MAMDC2: variants seen among roughly 807,000 people sequenced by gnomAD.
MAMDC2 encodes MAM domain containing 2.
MAMDC2 carries 57 observed loss-of-function variants against 89.8 expected under a neutral mutation model. The ratio of observed to expected loss-of-function variants is 0.63; its 90% CI spans 0.51 to 0.79. The LOEUF (loss-of-function observed/expected upper bound fraction) is 0.79, where lower values mean the gene tolerates loss of function less well. MAMDC2 is among the 30% of genes least tolerant of loss of function. The probability of loss-of-function intolerance (pLI) is 0.00; values close to 1 mark genes in which losing one functional copy is unlikely to be tolerated. For synonymous variants in MAMDC2, 313 were observed against 293.4 expected (o/e 1.07, Z -0.68); for missense variants, 800 against 820.6 (o/e 0.97, Z 0.31).
intron 2 of MAMDC2, among the ~76,000 whole-genome samples, chr9:70,055,747 G>T (rs923256530): frequency 6.6e-6 from 1 of 152,136 alleles, no homozygotes; most frequent in African/African-American, 2.4e-5. Context: ...ACCATTTGAA[G>T]GATTCTCTTC....
At chr9:70,073,863 G>C (rs1827466952) in intron 2 of MAMDC2, among the ~76,000 whole-genome samples, 1 of 152,156 alleles carries the variant, frequency 6.6e-6, no homozygotes, top group Admixed American at 6.5e-5. Context: ...GGTCTTAACA[G>C]TGCCTGTGAT....
At chr9:70,060,834 C>A (rs1406980862) in intron 2 of MAMDC2, among the ~76,000 whole-genome samples, 3 of 152,134 alleles carry the variant, frequency 2.0e-5, no homozygotes, top group Non-Finnish European at 4.4e-5. Context: ...TGTCTTAATT[C>A]TCTTCCCTTC....
At chr9:70,053,302 T>G (rs1351658195) in intron 2 of MAMDC2, among the ~76,000 whole-genome samples, 2 of 152,194 alleles carry the variant, frequency 1.3e-5, no homozygotes, top group Non-Finnish European at 2.9e-5. Flanking sequence ...AATAAGATAA[T>G]AAAACAAGTG....
chr9:70,163,183 G>A (rs1439426450), intron 9 of MAMDC2, among the ~76,000 whole-genome samples: 2 of 147,372 alleles, frequency 1.4e-5, no homozygotes, highest in Non-Finnish European at 3.0e-5. Context: ...TTGCATTTCT[G>A]CTCCTTTACC....
At position 70,225,718 on chromosome 9, in the gene MAMDC2, T is replaced by C. The variant is rs373956714; in HGVS notation, c.1912-32T>C. On this transcript the variant is annotated intron_variant, in intron 12 of 13. Coordinates refer to ENST00000377182, the MANE Select transcript of MAMDC2 (RefSeq NM_153267.5). ...ACCAGCACTGTAATCAGGATGATTC[T>C]ATTTCTAAATTCAAACATATTATTC... 18 of 1,384,830 alleles carry C rather than the reference T, an allele frequency of 1.3e-5. No homozygotes were observed. The African/African-American group carries it at 2.4e-4, about 19-fold the overall frequency. 85.8% of individuals were successfully genotyped at this position (1,384,830 alleles called of 1,614,324 possible). A position where few individuals can be genotyped will look rare whatever the true frequency, so the allele number is the denominator to read the frequency against.
chr9:70,150,535 G>A (rs570203396), intron 9 of MAMDC2, among the ~76,000 whole-genome samples: 8 of 152,160 alleles, frequency 5.3e-5, no homozygotes, highest in Non-Finnish European at 1.0e-4. Context: ...TGTTTATCAA[G>A]TACCTACTTT....
chr9:70,169,405 G>A (rs1452265366), intron 10 of MAMDC2, among the ~76,000 whole-genome samples: 3 of 152,128 alleles, frequency 2.0e-5, no homozygotes, highest in Non-Finnish European at 4.4e-5. Flanking sequence ...TACATCATAG[G>A]ACATCCATTT....
intron 2 of MAMDC2, among the ~76,000 whole-genome samples, chr9:70,052,628 G>C (rs1826939105): frequency 6.6e-6 from 1 of 152,132 alleles, no homozygotes; most frequent in African/African-American, 2.4e-5. Context: ...ATGTCTCTGA[G>C]AACAGGAATC....
chr9:70,060,070 A>G (rs1417227942), intron 2 of MAMDC2, among the ~76,000 whole-genome samples: 1 of 152,082 alleles, frequency 6.6e-6, no homozygotes, highest in Non-Finnish European at 1.5e-5. Context: ...TAATTCTTTC[A>G]CTAGGACATT....
chr9:70,218,725 G>A, intron 12 of MAMDC2, 129 bp downstream of exon 12: 1 of 1,047,396 alleles, frequency 9.5e-7, no homozygotes, highest in Non-Finnish European at 1.3e-6. Flanking sequence ...AGGATTAAGA[G>A]GGAGTAAACA....
chr9:70,221,671 AGT>A (rs1230496971), intron 12 of MAMDC2, among the ~76,000 whole-genome samples: 2 of 152,006 alleles, frequency 1.3e-5, no homozygotes, highest in African/African-American at 4.8e-5. Flanking sequence ...GTGATAAATA[AGT>A]GAGGTGACAG....
intron 9 of MAMDC2, among the ~76,000 whole-genome samples, chr9:70,147,302 C>T (rs2031436318): frequency 6.7e-6 from 1 of 149,790 alleles, no homozygotes; most frequent in African/African-American, 2.5e-5. Context: ...ATTCTACTTC[C>T]ACTTCTTGTT....
At chr9:70,210,940 G>GACTT (rs1198509449) in intron 11 of MAMDC2, among the ~76,000 whole-genome samples, 1 of 152,168 alleles carries the variant, frequency 6.6e-6, no homozygotes, top group Non-Finnish European at 1.5e-5. Context: ...TTTTCTTTAA[G>GACTT]AATGTTGAAT....
intron 11 of MAMDC2, among the ~76,000 whole-genome samples, chr9:70,191,447 C>T (rs2032878242): frequency 6.6e-6 from 1 of 151,854 alleles, no homozygotes; most frequent in Non-Finnish European, 1.5e-5. Flanking sequence ...ATATGTGGGC[C>T]ACTTGTGGTT....
chr9:70,114,594 T>C (rs185856462), intron 5 of MAMDC2, among the ~76,000 whole-genome samples: 1 of 152,214 alleles, frequency 6.6e-6, no homozygotes, highest in Non-Finnish European at 1.5e-5. Flanking sequence ...TAACCACAAA[T>C]AAAAAGACTG....
chr9:70,212,936 G>A (rs1417479971), intron 11 of MAMDC2, among the ~76,000 whole-genome samples: 1 of 152,154 alleles, frequency 6.6e-6, no homozygotes, highest in Non-Finnish European at 1.5e-5. Flanking sequence ...GGCTGTGCAG[G>A]CTATCCCTGA....
intron 6 of MAMDC2, among the ~76,000 whole-genome samples, chr9:70,130,608 AT>A (rs1473268406): frequency 6.6e-6 from 1 of 152,144 alleles, no homozygotes; most frequent in African/African-American, 2.4e-5. Flanking sequence ...GGTTGAAGTC[AT>A]TGGCCCATGT....
chr9:70,135,224 C>T lies in MAMDC2; in HGVS notation c.994+3612C>T, dbSNP rs182408836. Among the ~76,000 whole-genome samples, 7 of 152,236 alleles carry T rather than the reference C, an allele frequency of 4.6e-5. No homozygotes were observed. In the East Asian group the frequency reaches 7.7e-4, roughly 17 times the overall value. On this transcript the variant is annotated intron_variant, in intron 7 of 13. Transcript: ENST00000377182. ...TTTTTCTTTTTTTCTTGATCATCAA[C>T]AGATGCTCAGAGGCTTCCAACTGCC...
At chr9:70,126,677 C>T (rs2030567264) in intron 6 of MAMDC2, among the ~76,000 whole-genome samples, 1 of 152,180 alleles carries the variant, frequency 6.6e-6, no homozygotes, top group Admixed American at 6.5e-5. Flanking sequence ...AGTTAACCAA[C>T]TAGACTTCTT....
Sources: allele counts gnomAD v4.1 joint callset (sites outside exome capture counted in the v4.1 genomes callset), GRCh38; gene constraint gnomAD v4.1.1; transcripts MANE v1.5; gene names NCBI Gene and HGNC (gene_info 2026-07-23, HGNC 2026-07-21).